FRYL: variants seen among roughly 807,000 people sequenced by gnomAD.
The protein encoded by FRYL is protein furry homolog-like.
Under a neutral mutation model 351.2 loss-of-function variants are expected in FRYL, and 150 were observed. The observed-to-expected ratio is 0.43, with a 90% CI of 0.37 to 0.49. FRYL has a LOEUF of 0.49. Ranked by LOEUF, FRYL falls within the 20% of genes least tolerant of loss-of-function variation. The pLI is 0.00. For synonymous variants in FRYL, 1,153 were observed against 1,257.1 expected (o/e 0.92, Z 1.75); for missense variants, 3,036 against 3,619.3 (o/e 0.84, Z 4.13).
Position 48,497,887 on chromosome 4 carries a change from A to G in FRYL, c.*1535T>C, listed in dbSNP as rs559726685. 3 of 152,728 alleles carry G rather than the reference A, an allele frequency of 2.0e-5. No individual in the cohort carries two copies. Among genetic ancestry groups the G allele is most frequent in the South Asian group, 4.2e-4 (2 of 4,818 alleles). The allele number at this position is 152,728 out of a possible 1,614,324, so 9.5% of individuals were successfully genotyped here. On this transcript the variant is annotated 3_prime_UTR_variant, in exon 64 of 64. Transcript: ENST00000358350. ...GTGCCTTCAATTAATGCACTTGAGC[A>G]TACGTAATTACATTTCTGGCAGGGT...
At chr4:48,717,894 A>G (rs1769044678) in intron 1 of FRYL, among the ~76,000 whole-genome samples, 1 of 151,696 alleles carries the variant, frequency 6.6e-6, no homozygotes, top group African/African-American at 2.4e-5. Flanking sequence ...TTATATCTCA[A>G]TAAAGCTGCT....
intron 3 of FRYL, among the ~76,000 whole-genome samples, chr4:48,670,475 T>TA (rs1352613745): frequency 6.7e-6 from 1 of 150,008 alleles, no homozygotes; most frequent in Non-Finnish European, 1.5e-5. Context: ...TATATATATA[T>TA]AATTTTTTTT....
intron 1 of FRYL, among the ~76,000 whole-genome samples, chr4:48,744,549 T>C (rs547929254): frequency 6.6e-6 from 1 of 152,338 alleles, no homozygotes; most frequent in African/African-American, 2.4e-5. Context: ...GCCTGATTTT[T>C]TTTCTTTTTC....
At chr4:48,739,929 A>C (rs1560338530) in intron 1 of FRYL, among the ~76,000 whole-genome samples, 1 of 152,302 alleles carries the variant, frequency 6.6e-6, no homozygotes, top group East Asian at 1.9e-4. Context: ...GAGCTAGAAC[A>C]CGCAGCCATG....
chr4:48,524,410 T>G (rs1725548816), intron 53 of FRYL, among the ~76,000 whole-genome samples: 1 of 152,162 alleles, frequency 6.6e-6, no homozygotes, highest in African/African-American at 2.4e-5. Flanking sequence ...TTTCAAATAT[T>G]ATTATGTACC....
chr4:48,650,350 T>C (rs1475911513), intron 3 of FRYL, among the ~76,000 whole-genome samples: 3 of 152,116 alleles, frequency 2.0e-5, no homozygotes, highest in Admixed American at 6.5e-5. Context: ...TAAATAAGCA[T>C]TAAATACACA....
chr4:48,620,533 G>A (rs1477187024), intron 6 of FRYL, 106 bp downstream of exon 6: 4 of 1,100,366 alleles, frequency 3.6e-6, no homozygotes, highest in South Asian at 1.6e-5. Context: ...AGTAATCAAC[G>A]CAGTTTGCTT....
intron 25 of FRYL, among the ~76,000 whole-genome samples, chr4:48,574,134 T>G (rs149190543): frequency 9.2e-5 from 14 of 152,138 alleles, no homozygotes; most frequent in Non-Finnish European, 1.9e-4. Context: ...TCTTTATTTA[T>G]ATTTTGATTT....
At chr4:48,660,167 G>C (rs1285941150) in intron 3 of FRYL, among the ~76,000 whole-genome samples, 1 of 151,992 alleles carries the variant, frequency 6.6e-6, no homozygotes, top group Non-Finnish European at 1.5e-5. Context: ...AACTGAAAGA[G>C]CTCTTAATGG....
In FRYL at chr4:48,534,596, T is replaced by C. The variant is rs1266005648; in HGVS notation, c.6654A>G (p.Pro2218=). ...LLSHIDLSAA[P]AKQFNLEIIK... ...TGATCTCCAGATTAAACTGCTTGGC[T>C]GGGGCTGCAGACAGGTCAATATGAC... The change falls in exon 49 of 64, where the codon CCA becomes CCG. Residue 2218 remains proline (P), a synonymous_variant. Transcript: ENST00000358350. 3.1e-6 allele frequency: 5 copies of C among 1,612,582 alleles called. No homozygotes were observed. In the East Asian group the frequency reaches 1.1e-4, roughly 36 times the overall value.
intron 5 of FRYL, among the ~76,000 whole-genome samples, chr4:48,621,150 T>C (rs1750564022): frequency 6.6e-6 from 1 of 152,232 alleles, no homozygotes; most frequent in Non-Finnish European, 1.5e-5. Flanking sequence ...TGTGTTCATG[T>C]GAACAAATGA....
At chr4:48,551,694 T>TAAC in intron 36 of FRYL, 116 bp from the exon 37 acceptor site, 2 of 652,968 alleles carry the variant, frequency 3.1e-6, no homozygotes, top group Non-Finnish European at 5.2e-6. Context: ...GCAAAGTCAT[T>TAAC]TAAAAAAAGG....
At chr4:48,715,386 C>T (rs537705457) in intron 1 of FRYL, among the ~76,000 whole-genome samples, 1 of 152,268 alleles carries the variant, frequency 6.6e-6, no homozygotes, top group South Asian at 2.1e-4. Context: ...ATCGTCTCAG[C>T]CCAAAATCTC....
Position 48,540,669 on chromosome 4 carries a change from A to G in FRYL, c.5979T>C (p.Thr1993=), listed in dbSNP as rs1440632434. ...TGGCCATCAAGTTGGTAGGCTCAGTAGTGGACTGCACGTCATACATTCCTT... is the reference window on the plus strand; with the variant it reads ...TGGCCATCAAGTTGGTAGGCTCAGTGGTGGACTGCACGTCATACATTCCTT... ...REKGMYDVQS[T]TEPTNLMATI... The change falls in exon 46 of 64, where the codon ACT becomes ACC. Residue 1993 remains threonine (T), a synonymous_variant. Transcript: ENST00000358350. 1 of 1,613,888 alleles carries G rather than the reference A, an allele frequency of 6.2e-7. No individual in the cohort carries two copies. Among genetic ancestry groups the G allele is most frequent in the Non-Finnish European group, 8.5e-7 (1 of 1,179,898 alleles).
intron 43 of FRYL, among the ~76,000 whole-genome samples, chr4:48,544,465 A>C (rs936813320): frequency 6.6e-6 from 1 of 152,198 alleles, no homozygotes; most frequent in Non-Finnish European, 1.5e-5. Context: ...TGAAGACTAT[A>C]CCAGCACAAT....
At position 48,498,022 on chromosome 4, in the gene FRYL, T is replaced by C. The variant is rs1366636608; in HGVS notation, c.*1400A>G. On this transcript the variant is annotated 3_prime_UTR_variant, in exon 64 of 64. Transcript: ENST00000358350. ...AGTCACAGTGGATAAGAGATGTATATAAAAAATACAAGGTGTTTCTTTCAA... is the reference window on the plus strand; with the variant it reads ...AGTCACAGTGGATAAGAGATGTATACAAAAAATACAAGGTGTTTCTTTCAA... 2.0e-5 allele frequency: 3 copies of C among 151,696 alleles called. No homozygotes were observed. Among genetic ancestry groups the C allele is most frequent in the Admixed American group, 2.0e-4 (3 of 15,220 alleles). 9.4% of individuals were successfully genotyped at this position (151,696 alleles called of 1,614,324 possible). A position where few individuals can be genotyped will look rare whatever the true frequency, so the allele number is the denominator to read the frequency against.
At chr4:48,712,453 G>A (rs1768191495) in intron 1 of FRYL, among the ~76,000 whole-genome samples, 1 of 152,216 alleles carries the variant, frequency 6.6e-6, no homozygotes, top group South Asian at 2.1e-4. Flanking sequence ...CGATCAACTG[G>A]AAGAAAGGGT....
At chr4:48,690,657 A>C (rs1765600167) in intron 2 of FRYL, among the ~76,000 whole-genome samples, 1 of 152,176 alleles carries the variant, frequency 6.6e-6, no homozygotes. Flanking sequence ...CCTTAGAAAA[A>C]TTCTTTTTAA....
chr4:48,632,503 T>C (rs896930463), intron 4 of FRYL, among the ~76,000 whole-genome samples: 4 of 150,706 alleles, frequency 2.7e-5, no homozygotes, highest in African/African-American at 4.9e-5. Context: ...ACTTATGCTA[T>C]AGGCTTTTGT....
Sources: gnomAD v4.1 joint callset for allele counts (sites outside exome capture counted in the v4.1 genomes callset) on GRCh38, gnomAD v4.1.1 for gene constraint, MANE v1.5 for transcripts, NCBI Gene and HGNC (gene_info 2026-07-23, HGNC 2026-07-21) for gene names.